Variants in STK39 observed in about 807,000 individuals in gnomAD.
The protein encoded by STK39 is serine/threonine kinase 39.
In STK39, 20 loss-of-function variants were observed where a neutral mutation model predicts 77.8. The observed-to-expected ratio is 0.26, with a 90% CI of 0.18 to 0.37. STK39 has a LOEUF of 0.37. Among genes scored for constraint, STK39 ranks in the 10% least tolerant of loss-of-function variants. The probability of loss-of-function intolerance (pLI) is 1.00; values close to 1 mark genes in which losing one functional copy is unlikely to be tolerated. For missense variants in STK39, 479 were observed against 656.5 expected (o/e 0.73, Z 2.95); for synonymous variants, 246 against 234.1 (o/e 1.05, Z -0.47).
chr2:168,114,896 G>A (rs924365279), intron 10 of STK39, among the ~76,000 whole-genome samples: 1 of 152,192 alleles, frequency 6.6e-6, no homozygotes, highest in East Asian at 1.9e-4. Context: ...CAGTGACAGA[G>A]TAATGGGCAA....
chr2:168,129,016 T>G (rs1344347138), intron 10 of STK39, among the ~76,000 whole-genome samples: 1 of 152,210 alleles, frequency 6.6e-6, no homozygotes, highest in Non-Finnish European at 1.5e-5. Flanking sequence ...CATGCCATTT[T>G]AGAAATCTAA....
At chr2:168,107,591 T>C (rs906892811) in intron 10 of STK39, among the ~76,000 whole-genome samples, 2 of 152,206 alleles carry the variant, frequency 1.3e-5, no homozygotes, top group African/African-American at 4.8e-5. Context: ...TATTTGACGT[T>C]AAAAATATCA....
chr2:168,190,610 A>C (rs1212783984), intron 1 of STK39, among the ~76,000 whole-genome samples: 1 of 152,210 alleles, frequency 6.6e-6, no homozygotes, highest in Non-Finnish European at 1.5e-5. Flanking sequence ...CAATAATTCT[A>C]TGTGAGCATA....
At position 167,955,455 on chromosome 2, in the gene STK39, G is replaced by A. The variant is rs200773399; in HGVS notation, c.*41C>T. ...GAGGGTTGAAGGGAGTAGGGGTGGCGGTGGGGCATGACAGATCAGGGTGAC... is the reference window on the plus strand; with the variant it reads ...GAGGGTTGAAGGGAGTAGGGGTGGCAGTGGGGCATGACAGATCAGGGTGAC... On this transcript the variant is annotated 3_prime_UTR_variant, in exon 18 of 18. Coordinates refer to ENST00000355999, the MANE Select transcript of STK39 (RefSeq NM_013233.3). 2.6e-5 allele frequency: 41 copies of A among 1,596,772 alleles called. No homozygotes were observed. The highest frequency in any genetic ancestry group is 1.7e-4 in the Middle Eastern group (1 of 6,038).
At chr2:167,975,584 G>A (rs1683252005) in intron 16 of STK39, among the ~76,000 whole-genome samples, 1 of 152,190 alleles carries the variant, frequency 6.6e-6, no homozygotes, top group Non-Finnish European at 1.5e-5. Context: ...GGGAGGCTGA[G>A]GTGGGCGGAT....
At chr2:168,064,632 T>A (rs1685747908) in intron 13 of STK39, among the ~76,000 whole-genome samples, 1 of 152,226 alleles carries the variant, frequency 6.6e-6, no homozygotes, top group Non-Finnish European at 1.5e-5. Context: ...GAAATGAATT[T>A]AAATTGAATA....
At chr2:167,990,868 T>C (rs1683683950) in intron 16 of STK39, among the ~76,000 whole-genome samples, 1 of 152,216 alleles carries the variant, frequency 6.6e-6, no homozygotes, top group Non-Finnish European at 1.5e-5. Flanking sequence ...AGGTGAACTC[T>C]GTCTCAGCAA....
chr2:168,075,918 T>C (rs1213523294), intron 10 of STK39, among the ~76,000 whole-genome samples: 3 of 152,194 alleles, frequency 2.0e-5, no homozygotes, highest in Non-Finnish European at 4.4e-5. Context: ...TAATCAGTCT[T>C]CCTCATTATT....
At chr2:168,215,747 A>AG (rs552261314) in intron 1 of STK39, among the ~76,000 whole-genome samples, 2 of 152,292 alleles carry the variant, frequency 1.3e-5, no homozygotes, top group South Asian at 4.1e-4. Flanking sequence ...ACAAGAGGAA[A>AG]GGGGGAAAAA....
At chr2:168,169,571 A>T (rs7558963) in intron 2 of STK39, among the ~76,000 whole-genome samples, 65,228 of 151,490 alleles carry the variant, frequency 0.43, 16,038 homozygotes, top group East Asian at 0.77. Context: ...AGCCCTTTGC[A>T]TTTAGATGGC....
At chr2:167,989,180 C>T (rs899683928) in intron 16 of STK39, among the ~76,000 whole-genome samples, 1 of 152,142 alleles carries the variant, frequency 6.6e-6, no homozygotes, top group Non-Finnish European at 1.5e-5. Context: ...GGTCTGTACG[C>T]ACCTGGGGCA....
At chr2:168,011,500 T>G (rs188318939) in intron 16 of STK39, among the ~76,000 whole-genome samples, 24 of 152,296 alleles carry the variant, frequency 1.6e-4, no homozygotes, top group African/African-American at 5.1e-4. Context: ...TTAGGGTTAT[T>G]ATGATTATAC....
intron 1 of STK39, among the ~76,000 whole-genome samples, chr2:168,194,039 G>A (rs777481022): frequency 6.6e-6 from 1 of 152,154 alleles, no homozygotes; most frequent in African/African-American, 2.4e-5. Context: ...GAAGGGTCTC[G>A]CCCGCCTGCA....
chr2:168,013,445 T>C (rs559614450), intron 15 of STK39, among the ~76,000 whole-genome samples: 1 of 152,188 alleles, frequency 6.6e-6, no homozygotes, highest in Non-Finnish European at 1.5e-5. Context: ...AAAGGGAAAT[T>C]GATAAATTGC....
chr2:168,216,650 C>G (rs1488684675), intron 1 of STK39, among the ~76,000 whole-genome samples: 1 of 152,196 alleles, frequency 6.6e-6, no homozygotes, highest in Non-Finnish European at 1.5e-5. Flanking sequence ...GCAAACCTGA[C>G]AGAAATACGA....
At chr2:168,129,089 A>T (rs913927668) in intron 10 of STK39, among the ~76,000 whole-genome samples, 1 of 152,224 alleles carries the variant, frequency 6.6e-6, no homozygotes, top group Non-Finnish European at 1.5e-5. Context: ...AAGGTAAACT[A>T]AAAAAGGGAC....
chr2:167,972,141 G>A (rs1214758109), intron 16 of STK39, among the ~76,000 whole-genome samples: 1 of 152,218 alleles, frequency 6.6e-6, no homozygotes, highest in Non-Finnish European at 1.5e-5. Flanking sequence ...AAGGGAAAGG[G>A]AACCCAGAAG....
intron 1 of STK39, among the ~76,000 whole-genome samples, chr2:168,210,062 GAAGGAAGGAAGGAAGGAAGA>G (rs1689850868): frequency 6.7e-6 from 1 of 148,570 alleles, no homozygotes; most frequent in African/African-American, 2.5e-5. Flanking sequence ...AGGAAGGAAG[GAAGGAAGGAAGGAAGGAAGA>G]AAGAAACTCA....
intron 3 of STK39, 55 bp from the exon 4 acceptor site, chr2:168,163,935 A>G: frequency 1.3e-6 from 2 of 1,579,834 alleles, no homozygotes; most frequent in South Asian, 1.2e-5. Flanking sequence ...CCTTTTCAGA[A>G]CAAGACTCCA....
Sources: gnomAD v4.1 joint callset for allele counts (sites outside exome capture counted in the v4.1 genomes callset) on GRCh38, gnomAD v4.1.1 for gene constraint, MANE v1.5 for transcripts, NCBI Gene and HGNC (gene_info 2026-07-23, HGNC 2026-07-21) for gene names.